The following SLC39A14 variants were observed in gnomAD, a reference collection of about 807,000 sequenced individuals.
SLC39A14 encodes the protein metal cation symporter ZIP14.
In SLC39A14, 19 loss-of-function variants were observed where a neutral mutation model predicts 45.5. The observed-to-expected ratio is 0.42, with a 90% CI of 0.29 to 0.61. The LOEUF is 0.61. Ranked by LOEUF, SLC39A14 falls within the 20% of genes least tolerant of loss-of-function variation. SLC39A14 has a pLI of 0.22. For synonymous variants in SLC39A14, 264 were observed against 251.3 expected (o/e 1.05, Z -0.48); for missense variants, 447 against 616.5 (o/e 0.73, Z 2.91).
chr8:22,417,893 G>C, intron 8 of SLC39A14, 58 bp downstream of exon 8: 1 of 1,445,420 alleles, frequency 6.9e-7, no homozygotes, highest in South Asian at 1.3e-5. Context: ...ATGTTAGGTA[G>C]GTAGTTTTTT....
At chr8:22,409,833 G>T in intron 3 of SLC39A14, 1 of 1,041,620 alleles carries the variant, frequency 9.6e-7, no homozygotes, top group Non-Finnish European at 1.4e-6. Context: ...TGATGGGTTG[G>T]TGGATCTCAG....
At chr8:22,382,144 AAAC>A (rs1194363434) in intron 1 of SLC39A14, among the ~76,000 whole-genome samples, 1 of 152,186 alleles carries the variant, frequency 6.6e-6, no homozygotes, top group Non-Finnish European at 1.5e-5. Context: ...TCTGTCTCAA[AAAC>A]AACAACCAAA....
intron 8 of SLC39A14, among the ~76,000 whole-genome samples, chr8:22,419,296 G>C (rs544840770): frequency 1.3e-5 from 2 of 151,980 alleles, no homozygotes; most frequent in African/African-American, 2.4e-5. Flanking sequence ...CAATTCTCCT[G>C]CCTCAGCCTC....
intron 1 of SLC39A14, among the ~76,000 whole-genome samples, chr8:22,384,224 C>T (rs535487177): frequency 2.6e-4 from 39 of 152,296 alleles, no homozygotes; most frequent in African/African-American, 9.4e-4. Context: ...GGCAGGGAAA[C>T]TCAAAATTTC....
At position 22,368,820 on chromosome 8, in the gene SLC39A14, G is replaced by C. The variant is rs536184136; in HGVS notation, c.-16+1412G>C. Among the ~76,000 whole-genome samples, 167 of 152,258 alleles carry C rather than the reference G, an allele frequency of 1.1e-3. 1 individual carries two copies. Among genetic ancestry groups the C allele is most frequent in the Non-Finnish European group, 2.0e-3 (136 of 68,026 alleles). On this transcript the variant is annotated intron_variant, in intron 1 of 8. Coordinates refer to ENST00000381237, the MANE Select transcript of SLC39A14 (RefSeq NM_001128431.4). Reference sequence around the variant, plus strand: ...CAGAGTGCTGGGATTACAGGCGTGAGCCACCCTGCCCGGCCTATCCTTACC... The same window carrying C: ...CAGAGTGCTGGGATTACAGGCGTGACCCACCCTGCCCGGCCTATCCTTACC...
At position 22,408,969 on chromosome 8, in the gene SLC39A14, C is replaced by T. The variant is rs554945285; in HGVS notation, c.457+473C>T. 2.6e-5 allele frequency among the ~76,000 whole-genome samples: 4 copies of T among 152,096 alleles called. No homozygotes were observed. In the South Asian group the frequency reaches 8.3e-4, roughly 32 times the overall value. ...CTGAGTAGCTGGGACTACAGGCGTGCACCGCCATGCCCAGCTAATTTTTAA... is the reference window on the plus strand; with the variant it reads ...CTGAGTAGCTGGGACTACAGGCGTGTACCGCCATGCCCAGCTAATTTTTAA... On this transcript the variant is annotated intron_variant, in intron 3 of 8. Transcript: ENST00000381237.
intron 3 of SLC39A14, among the ~76,000 whole-genome samples, chr8:22,411,178 C>G (rs7814612): frequency 0.36 from 55,230 of 152,114 alleles, 12,351 homozygotes; most frequent in East Asian, 0.63. Context: ...CTTGTGACCT[C>G]CTGGAATGGA....
At chr8:22,403,624 T>C (rs1164193151) in intron 1 of SLC39A14, among the ~76,000 whole-genome samples, 1 of 151,318 alleles carries the variant, frequency 6.6e-6, no homozygotes, top group Non-Finnish European at 1.5e-5. Flanking sequence ...TTCAAACATA[T>C]ATAAGTAGAC....
intron 3 of SLC39A14, among the ~76,000 whole-genome samples, chr8:22,410,337 C>A (rs978456895): frequency 1.3e-5 from 2 of 152,308 alleles, no homozygotes; most frequent in East Asian, 3.9e-4. Flanking sequence ...AAGGTTCTTC[C>A]AATTTCCCTC....
intron 1 of SLC39A14, among the ~76,000 whole-genome samples, chr8:22,399,132 G>A (rs1205392881): frequency 6.6e-6 from 1 of 152,110 alleles, no homozygotes; most frequent in Non-Finnish European, 1.5e-5. Flanking sequence ...AGGGCAGCTG[G>A]CCTGACACCC....
intron 1 of SLC39A14, among the ~76,000 whole-genome samples, chr8:22,402,245 C>T (rs1834914504): frequency 1.3e-5 from 2 of 151,972 alleles, no homozygotes; most frequent in South Asian, 2.1e-4. Context: ...ATTAGCCGGG[C>T]GTGGTGGCAG....
At chr8:22,429,435 A>G (rs1309339578) in intron 8 of SLC39A14, among the ~76,000 whole-genome samples, 2 of 152,212 alleles carry the variant, frequency 1.3e-5, no homozygotes, top group Non-Finnish European at 2.9e-5. Flanking sequence ...CCTACCTTAT[A>G]AGGTAGGTAT....
intron 1 of SLC39A14, among the ~76,000 whole-genome samples, chr8:22,385,918 T>C (rs1328334175): frequency 1.3e-5 from 2 of 152,192 alleles, no homozygotes; most frequent in African/African-American, 4.8e-5. Context: ...GCAAGGAAAG[T>C]GATGTGATCA....
intron 8 of SLC39A14, among the ~76,000 whole-genome samples, chr8:22,432,289 T>C (rs1422046068): frequency 6.6e-6 from 1 of 152,100 alleles, no homozygotes; most frequent in Non-Finnish European, 1.5e-5. Context: ...GCTATGATCA[T>C]GCCACTGCAC....
intron 8 of SLC39A14, among the ~76,000 whole-genome samples, chr8:22,427,847 AGT>A (rs776905167): frequency 5.3e-5 from 8 of 152,216 alleles, no homozygotes; most frequent in Non-Finnish European, 1.2e-4. Flanking sequence ...TACATGATTC[AGT>A]GAACTAGTCT....
chr8:22,383,104 G>T (rs935363309), intron 1 of SLC39A14, among the ~76,000 whole-genome samples: 2 of 152,262 alleles, frequency 1.3e-5, no homozygotes, highest in East Asian at 3.9e-4. Flanking sequence ...GTGTGGTATG[G>T]TATGAGCCAG....
chr8:22,386,291 G>C (rs1833789289), intron 1 of SLC39A14, among the ~76,000 whole-genome samples: 2 of 145,366 alleles, frequency 1.4e-5, no homozygotes, highest in African/African-American at 2.6e-5. Context: ...TTTTGAAATG[G>C]AGTTTTGCTC....
At chr8:22,394,657 C>T (rs1834280116) in intron 1 of SLC39A14, among the ~76,000 whole-genome samples, 1 of 152,128 alleles carries the variant, frequency 6.6e-6, no homozygotes, top group Admixed American at 6.5e-5. Context: ...TTTTAATGCT[C>T]ACCGTCAGTC....
chr8:22,377,447 G>T (rs1190012323), intron 1 of SLC39A14, among the ~76,000 whole-genome samples: 1 of 152,178 alleles, frequency 6.6e-6, no homozygotes, highest in Non-Finnish European at 1.5e-5. Context: ...TATGTTCATT[G>T]CTACAGCAGT....
Sources: allele counts gnomAD v4.1 joint callset (sites outside exome capture counted in the v4.1 genomes callset), GRCh38; gene constraint gnomAD v4.1.1; transcripts MANE v1.5; gene names NCBI Gene and HGNC (gene_info 2026-07-23, HGNC 2026-07-21).